The following CHN2 variants were observed in gnomAD, a reference collection of about 807,000 sequenced individuals.
The protein encoded by CHN2 is chimerin 2.
In CHN2, 35 loss-of-function variants were observed where a neutral mutation model predicts 56.3. The ratio of observed to expected loss-of-function variants is 0.62; its 90% CI spans 0.47 to 0.82. The LOEUF (loss-of-function observed/expected upper bound fraction) is 0.82, where lower values mean the gene tolerates loss of function less well. Among genes scored for constraint, CHN2 ranks in the 40% least tolerant of loss-of-function variants. The pLI is 0.00. For synonymous variants in CHN2, 210 were observed against 212.8 expected (o/e 0.99, Z 0.12); for missense variants, 491 against 580.5 (o/e 0.85, Z 1.58).
intron 6 of CHN2, chr7:29,480,002 A>C (rs1394910675): frequency 6.7e-7 from 1 of 1,495,572 alleles, no homozygotes; most frequent in African/African-American, 1.4e-5. Context: ...GACAGGACCC[A>C]GCTGCCTCAA....
intron 11 of CHN2, among the ~76,000 whole-genome samples, chr7:29,509,080 G>A (rs1320276614): frequency 6.6e-6 from 1 of 152,120 alleles, no homozygotes; most frequent in African/African-American, 2.4e-5. Flanking sequence ...CCAGCCTCTG[G>A]CCACCCAGAG....
chr7:29,252,404 G>C (rs572627745), intron 1 of CHN2, among the ~76,000 whole-genome samples: 1 of 150,702 alleles, frequency 6.6e-6, no homozygotes, highest in African/African-American at 2.4e-5. Context: ...TAGCCAGGAT[G>C]GTCTCAAACT....
At chr7:29,473,482 T>TTGTGTGTGTGTTTG (rs1786322635) in intron 6 of CHN2, among the ~76,000 whole-genome samples, 3 of 118,196 alleles carry the variant, frequency 2.5e-5, no homozygotes, top group East Asian at 4.6e-4. Context: ...TTTTTTTTTT[T>TTGTGTGTGTGTTTG]TGTGTGTGTG....
intron 3 of CHN2, 108 bp downstream of exon 3, chr7:29,368,095 A>G (rs763454316): frequency 2.3e-5 from 20 of 859,688 alleles, no homozygotes; most frequent in Non-Finnish European, 3.1e-5. Context: ...TTCTATTAAC[A>G]TTTGTTGGAG....
intron 9 of CHN2, among the ~76,000 whole-genome samples, chr7:29,503,011 C>T (rs773884083): frequency 1.3e-5 from 2 of 152,084 alleles, no homozygotes; most frequent in Non-Finnish European, 2.9e-5. Flanking sequence ...GATTTTTCTA[C>T]GTTCCTTGAA....
At chr7:29,313,595 C>G (rs1167023655) in intron 1 of CHN2, among the ~76,000 whole-genome samples, 2 of 152,164 alleles carry the variant, frequency 1.3e-5, no homozygotes, top group African/African-American at 4.8e-5. Flanking sequence ...TAGAGAAATG[C>G]TGTCTTTAGA....
At chr7:29,346,355 A>G (rs955878191) in intron 1 of CHN2, among the ~76,000 whole-genome samples, 3 of 152,154 alleles carry the variant, frequency 2.0e-5, no homozygotes, top group African/African-American at 7.2e-5. Context: ...TTGGATCCCA[A>G]CCCATTCTGG....
intron 1 of CHN2, among the ~76,000 whole-genome samples, chr7:29,304,454 A>G (rs1271252841): frequency 6.6e-6 from 1 of 152,242 alleles, no homozygotes; most frequent in African/African-American, 2.4e-5. Flanking sequence ...AACAATGTAA[A>G]ATGTAATCAA....
intron 1 of CHN2, among the ~76,000 whole-genome samples, chr7:29,204,100 TG>T (rs1784360759): frequency 6.6e-6 from 1 of 151,526 alleles, no homozygotes; most frequent in Non-Finnish European, 1.5e-5. Context: ...TGTGTGTGTG[TG>T]TGTGTGTGTG....
At chr7:29,347,731 C>A (rs7789900) in intron 1 of CHN2, among the ~76,000 whole-genome samples, 35,805 of 152,082 alleles carry the variant, frequency 0.24, 4,717 homozygotes, top group Non-Finnish European at 0.3. Flanking sequence ...AAAATAGTCT[C>A]AATGTCCATC....
intron 1 of CHN2, among the ~76,000 whole-genome samples, chr7:29,195,629 AGTGTGTGTGTGTGT>A (rs70980513): frequency 2.7e-4 from 32 of 117,556 alleles, no homozygotes; most frequent in African/African-American, 5.7e-4. Flanking sequence ...AGAGAGAGAG[AGTGTGTGTGTGTGT>A]GTGTGTGAGA....
intron 6 of CHN2, among the ~76,000 whole-genome samples, chr7:29,446,344 T>C (rs914676252): frequency 7.2e-5 from 11 of 152,192 alleles, no homozygotes; most frequent in African/African-American, 2.7e-4. Context: ...CCTGCCAAGA[T>C]AGAGCAGTAG....
At chr7:29,394,351 C>T (rs1801578674) in intron 4 of CHN2, among the ~76,000 whole-genome samples, 1 of 152,170 alleles carries the variant, frequency 6.6e-6, no homozygotes, top group South Asian at 2.1e-4. Context: ...AGAGGGCAGG[C>T]AGAACGGGCC....
At chr7:29,369,179 T>C (rs1799412720) in intron 3 of CHN2, among the ~76,000 whole-genome samples, 1 of 152,152 alleles carries the variant, frequency 6.6e-6, no homozygotes, top group African/African-American at 2.4e-5. Flanking sequence ...AAGACACAAG[T>C]TGCTAAAATT....
At chr7:29,312,166 AAC>A (rs1304216846) in intron 1 of CHN2, among the ~76,000 whole-genome samples, 1 of 152,164 alleles carries the variant, frequency 6.6e-6, no homozygotes, top group Non-Finnish European at 1.5e-5. Context: ...ATGGTTTGAA[AAC>A]AGTTTTTTGA....
chr7:29,282,754 A>G (rs1041985822), intron 1 of CHN2, among the ~76,000 whole-genome samples: 18 of 152,244 alleles, frequency 1.2e-4, no homozygotes, highest in African/African-American at 4.3e-4. Flanking sequence ...GCCTGTGAGC[A>G]GTTTATACTA....
At chr7:29,365,977 C>G (rs765183159) in intron 2 of CHN2, among the ~76,000 whole-genome samples, 1 of 152,076 alleles carries the variant, frequency 6.6e-6, no homozygotes, top group East Asian at 1.9e-4. Flanking sequence ...ACAGGTCTGT[C>G]GATGAACTGA....
intron 12 of CHN2, among the ~76,000 whole-genome samples, chr7:29,511,652 C>G (rs2128603160): frequency 6.6e-6 from 1 of 152,132 alleles, no homozygotes; most frequent in South Asian, 2.1e-4. Context: ...ATGGCTAATC[C>G]TAATGAGTTA....
At chr7:29,262,927 C>T (rs1048925918) in intron 1 of CHN2, among the ~76,000 whole-genome samples, 5 of 146,782 alleles carry the variant, frequency 3.4e-5, no homozygotes, top group Non-Finnish European at 7.7e-5. Context: ...ACATATACCC[C>T]GGAACTTAAA....
Sources: allele counts gnomAD v4.1 joint callset (sites outside exome capture counted in the v4.1 genomes callset), GRCh38; gene constraint gnomAD v4.1.1; transcripts MANE v1.5; gene names NCBI Gene and HGNC (gene_info 2026-07-23, HGNC 2026-07-21).